The following CSMD1 variants were observed in gnomAD, a reference collection of about 807,000 sequenced individuals.
CSMD1 encodes the protein CUB and sushi domain-containing protein 1.
In CSMD1, 213 loss-of-function variants were observed where a neutral mutation model predicts 417.5. The ratio of observed to expected loss-of-function variants is 0.51; its 90% confidence interval spans 0.46 to 0.57. The LOEUF (loss-of-function observed/expected upper bound fraction) is 0.57. Among genes scored for constraint, CSMD1 ranks in the 20% least tolerant of loss-of-function variants. The pLI is 0.00. For missense variants in CSMD1, 6,923 were observed against 4,529.7 expected, an observed-to-expected ratio of 1.53 and a Z score of -15.17; for synonymous variants, 2,862 against 1,736.8, an observed-to-expected ratio of 1.65 and a Z score of -16.11.
At chr8:3,475,398 C>A (rs1817348416) in intron 11 of CSMD1, among the ~76,000 whole-genome samples, 1 of 152,148 alleles carries the variant, frequency 6.6e-6, no homozygotes, top group African/African-American at 2.4e-5. Flanking sequence ...ACACTGTATT[C>A]ATTATACAGC....
intron 10 of CSMD1, among the ~76,000 whole-genome samples, chr8:3,515,034 C>G (rs1206660047): frequency 1.3e-5 from 2 of 152,100 alleles, no homozygotes; most frequent in African/African-American, 4.8e-5. Context: ...AATTTATAAT[C>G]CATCGACTAT....
At chr8:3,700,234 C>A (rs1800781135) in intron 7 of CSMD1, among the ~76,000 whole-genome samples, 1 of 152,116 alleles carries the variant, frequency 6.6e-6, no homozygotes, top group Admixed American at 6.5e-5. Context: ...CATATACCAC[C>A]TGTACCCCAA....
chr8:3,353,661 T>G lies in CSMD1; in HGVS notation c.3304+5491A>C, dbSNP rs192181742. Among the ~76,000 whole-genome samples, 95 of 152,340 alleles carry G rather than the reference T, an allele frequency of 6.2e-4. 1 individual carries two copies. In the Middle Eastern group the frequency reaches 0.034, roughly 55 times the overall value. The stretch of plus-strand genomic sequence containing the variant: ...CCAAAATTTCAAAAATTATTTGAGC[T>G]TGATTTAAAACATTCATTGAAAATC... On this transcript the variant is annotated intron_variant, in intron 21 of 69. Transcript: ENST00000635120.
chr8:3,356,301 C>G (rs936223601), intron 21 of CSMD1, among the ~76,000 whole-genome samples: 3 of 152,164 alleles, frequency 2.0e-5, no homozygotes, highest in African/African-American at 7.2e-5. Flanking sequence ...AAGCAATTTT[C>G]CTCTTTTGGA....
At chr8:4,183,224 G>C (rs868325367) in intron 3 of CSMD1, among the ~76,000 whole-genome samples, 1 of 152,088 alleles carries the variant, frequency 6.6e-6, no homozygotes, top group Non-Finnish European at 1.5e-5. Flanking sequence ...TTGGAAAATG[G>C]AGAAGATCAT....
chr8:3,815,238 T>C (rs1801307174), intron 5 of CSMD1, among the ~76,000 whole-genome samples: 1 of 152,178 alleles, frequency 6.6e-6, no homozygotes. Context: ...AGAGTACCCA[T>C]ATGATTTGGG....
intron 5 of CSMD1, among the ~76,000 whole-genome samples, chr8:3,920,140 C>A (rs755467883): frequency 1.3e-5 from 2 of 152,068 alleles, no homozygotes; most frequent in Non-Finnish European, 2.9e-5. Context: ...CTCAGGTGAT[C>A]TTCCTGCCTT....
At chr8:4,071,963 T>C (rs953941655) in intron 3 of CSMD1, among the ~76,000 whole-genome samples, 2 of 152,158 alleles carry the variant, frequency 1.3e-5, no homozygotes, top group African/African-American at 2.4e-5. Context: ...GGCTCTCCAG[T>C]CTAGAGCTCT....
intron 2 of CSMD1, among the ~76,000 whole-genome samples, chr8:4,529,256 G>A (rs1173380272): frequency 2.6e-5 from 4 of 152,052 alleles, no homozygotes; most frequent in Non-Finnish European, 5.9e-5. Flanking sequence ...TGTTCGGAGT[G>A]GACAATGTGG....
intron 3 of CSMD1, among the ~76,000 whole-genome samples, chr8:4,309,980 T>G (rs997924546): frequency 5.9e-5 from 9 of 152,166 alleles, no homozygotes; most frequent in African/African-American, 1.9e-4. Context: ...TGCTTTATTT[T>G]CACACCAGAC....
At chr8:4,077,278 C>T (rs1029183891) in intron 3 of CSMD1, among the ~76,000 whole-genome samples, 206 of 80,356 alleles carry the variant, frequency 2.6e-3, no homozygotes, top group African/African-American at 0.01. Flanking sequence ...CCATTTGTCA[C>T]CTATATATAT....
intron 7 of CSMD1, among the ~76,000 whole-genome samples, chr8:3,688,326 C>A (rs936102563): frequency 6.6e-6 from 1 of 152,056 alleles, no homozygotes; most frequent in Non-Finnish European, 1.5e-5. Context: ...TGTGCTAAGC[C>A]TTACAAATGC....
chr8:3,790,843 C>G (rs2623680), intron 5 of CSMD1, among the ~76,000 whole-genome samples: 151,558 of 152,278 alleles, frequency 1, 75,422 homozygotes, highest in Middle Eastern at 1. Context: ...CCTGAGTAAC[C>G]GTCCCTCTCC....
intron 1 of CSMD1, among the ~76,000 whole-genome samples, chr8:4,867,590 A>G (rs1028849143): frequency 1.4e-4 from 21 of 152,028 alleles, no homozygotes; most frequent in African/African-American, 4.6e-4. Context: ...TTTTTTCATC[A>G]GCGCTGTATT....
At chr8:4,736,305 A>C (rs555671611) in intron 1 of CSMD1, among the ~76,000 whole-genome samples, 1 of 152,268 alleles carries the variant, frequency 6.6e-6, no homozygotes, top group South Asian at 2.1e-4. Flanking sequence ...TATCCAGGAA[A>C]ATTTAGGTAG....
At chr8:4,913,281 G>A (rs1255245264) in intron 1 of CSMD1, among the ~76,000 whole-genome samples, 1 of 152,158 alleles carries the variant, frequency 6.6e-6, no homozygotes, top group South Asian at 2.1e-4. Flanking sequence ...CAGGTTTGTG[G>A]ATTCTATTGC....
intron 2 of CSMD1, among the ~76,000 whole-genome samples, chr8:4,520,172 G>C (rs1803362286): frequency 6.6e-6 from 1 of 152,100 alleles, no homozygotes; most frequent in Non-Finnish European, 1.5e-5. Flanking sequence ...GCTTGGCTCT[G>C]TTTCCAAACT....
intron 3 of CSMD1, among the ~76,000 whole-genome samples, chr8:4,126,251 C>G (rs1371892172): frequency 6.6e-6 from 1 of 152,106 alleles, no homozygotes; most frequent in Non-Finnish European, 1.5e-5. Flanking sequence ...TCCAGTCTCC[C>G]ACACGACCGG....
chr8:4,442,455 C>T (rs191115380), intron 2 of CSMD1, among the ~76,000 whole-genome samples: 290 of 152,224 alleles, frequency 1.9e-3, no homozygotes, highest in Non-Finnish European at 2.1e-3. Context: ...AATACATCTA[C>T]TTACATGCTT....
Sources: allele counts gnomAD v4.1 joint callset (sites outside exome capture counted in the v4.1 genomes callset), GRCh38; gene constraint gnomAD v4.1.1; transcripts MANE v1.5; gene names NCBI Gene and HGNC (gene_info 2026-07-23, HGNC 2026-07-21).